The following ATP6V0A4 variants were observed in gnomAD, a reference collection of about 807,000 sequenced individuals.
The protein encoded by ATP6V0A4 is ATPase H+ transporting V0 subunit a4.
A neutral mutation model predicts 107.3 loss-of-function variants in ATP6V0A4; 86 were observed. The observed-to-expected ratio is 0.80, with a 90% confidence interval of 0.67 to 0.96. ATP6V0A4 has a LOEUF of 0.96. Among genes scored for constraint, ATP6V0A4 ranks in the 40% least tolerant of loss-of-function variants. The pLI is 0.00. For synonymous variants in ATP6V0A4, 353 were observed against 381.4 expected, an observed-to-expected ratio of 0.93 and a Z score of 0.87; for missense variants, 908 against 1,045.6, an observed-to-expected ratio of 0.87 and a Z score of 1.81.
At chr7:138,772,095 T>C (rs1807423933) in intron 2 of ATP6V0A4, among the ~76,000 whole-genome samples, 1 of 152,214 alleles carries the variant, frequency 6.6e-6, no homozygotes, top group Non-Finnish European at 1.5e-5. Flanking sequence ...GTTTTTGTCA[T>C]CAGAATGAGA....
intron 2 of ATP6V0A4, among the ~76,000 whole-genome samples, chr7:138,782,869 G>T (rs901828148): frequency 6.6e-6 from 1 of 152,206 alleles, no homozygotes; most frequent in African/African-American, 2.4e-5. Context: ...GAGGTCAGGA[G>T]TTCAAGACCA....
chr7:138,742,385 C>T (rs1321803077), intron 14 of ATP6V0A4, among the ~76,000 whole-genome samples: 10 of 152,074 alleles, frequency 6.6e-5, no homozygotes, highest in African/African-American at 2.2e-4. Flanking sequence ...CAAAATCGCA[C>T]CATTGCACTC....
intron 21 of ATP6V0A4, among the ~76,000 whole-genome samples, chr7:138,709,258 T>C (rs931849656): frequency 1.3e-5 from 2 of 148,522 alleles, no homozygotes; most frequent in Non-Finnish European, 3.0e-5. Context: ...TTTCTAAGCA[T>C]GTCTTCTGTG....
chr7:138,762,036 A>G (rs1006283177), intron 7 of ATP6V0A4, among the ~76,000 whole-genome samples: 3 of 152,180 alleles, frequency 2.0e-5, no homozygotes, highest in Non-Finnish European at 4.4e-5. Context: ...GCCTTGTTCC[A>G]ACGCCAGGGA....
intron 7 of ATP6V0A4, 107 bp from the exon 8 acceptor site, chr7:138,759,985 C>T (rs1806719550): frequency 6.3e-7 from 1 of 1,585,660 alleles, no homozygotes. Context: ...GCCATTCACT[C>T]TGTGAGCAGG....
chr7:138,751,577 G>C (rs1016814309), intron 11 of ATP6V0A4, among the ~76,000 whole-genome samples: 3 of 151,288 alleles, frequency 2.0e-5, no homozygotes, highest in Non-Finnish European at 2.9e-5. Context: ...ATTAGTCACG[G>C]ACATGCCTCC....
Position 138,743,059 on chromosome 7 carries a change from C to T in ATP6V0A4, c.1478+2064G>A, listed in dbSNP as rs1047861215. Among the ~76,000 whole-genome samples, 8 of 152,086 alleles carry T rather than the reference C, an allele frequency of 5.3e-5. No homozygotes were observed. The East Asian group carries it at 7.7e-4, about 15-fold the overall frequency. The stretch of plus-strand genomic sequence containing the variant: ...CTAGCAGAGAAACAAGAAGAGACTG[C>T]GTTAGAATCTCCTTGCCCCACACTA... On this transcript the variant is annotated intron_variant, in intron 14 of 21. Transcript: ENST00000310018.
chr7:138,744,980 G>C, intron 14 of ATP6V0A4, 143 bp downstream of exon 14: 1 of 806,630 alleles, frequency 1.2e-6, no homozygotes. Flanking sequence ...TGGGATTACA[G>C]GCATGAGCCA....
rs114934600 is a variant in ATP6V0A4, at chr7:138,755,564, A to G, written c.816+125T>C. ...GAAATCTTCCACAGCCACAACCAGAAAGGCATAGCCAGCATTCCAGCCAGC... is the reference window on the plus strand; with the variant it reads ...GAAATCTTCCACAGCCACAACCAGAGAGGCATAGCCAGCATTCCAGCCAGC... On this transcript the variant is annotated intron_variant, in intron 10 of 21. Transcript: ENST00000310018. 8.5e-6 allele frequency: 11 copies of G among 1,295,758 alleles called. No individual in the cohort carries two copies. The African/African-American group carries it at 1.3e-4, about 15-fold the overall frequency. 80.3% of individuals were successfully genotyped at this position (1,295,758 alleles called of 1,614,324 possible).
chr7:138,737,299 C>T (rs1805387663), intron 15 of ATP6V0A4, among the ~76,000 whole-genome samples: 1 of 150,564 alleles, frequency 6.6e-6, no homozygotes, highest in Non-Finnish European at 1.5e-5. Context: ...GTGCATAAGT[C>T]TCATGAGATC....
chr7:138,763,186 G>GACACACACAC (rs3832464), intron 5 of ATP6V0A4, 161 bp from the exon 6 acceptor site: 6 of 262,306 alleles, frequency 2.3e-5, no homozygotes, highest in Non-Finnish European at 3.5e-5. Flanking sequence ...GACACACACA[G>GACACACACAC]ACACACACAC....
In ATP6V0A4 at chr7:138,781,837, C is replaced by CTTT. The variant is rs1563019430; in HGVS notation, c.-18+4320_-18+4321insAAA. On this transcript the variant is annotated intron_variant, in intron 2 of 21. Coordinates refer to ENST00000310018, the MANE Select transcript of ATP6V0A4 (RefSeq NM_020632.3). ...TTTAAAGAAATTTTTCTCTGTCTCTCTCTCTCTTTTTTTTTTTTTTTGTAG... is the reference window on the plus strand; with the variant it reads ...TTTAAAGAAATTTTTCTCTGTCTCTCTTTTCTCTCTTTTTTTTTTTTTTTGTAG... Among the ~76,000 whole-genome samples, 2 of 67,298 alleles carry CTTT rather than the reference C, an allele frequency of 3.0e-5. 1 individual carries two copies. Among genetic ancestry groups the CTTT allele is most frequent in the Admixed American group, 3.5e-4 (2 of 5,686 alleles). 44.2% of individuals were successfully genotyped at this position (67,298 alleles called of 152,430 possible).
At chr7:138,709,507 A>G in intron 21 of ATP6V0A4, 117 bp downstream of exon 21, 1 of 898,524 alleles carries the variant, frequency 1.1e-6, no homozygotes, top group South Asian at 1.3e-5. Flanking sequence ...GGCTCCAAAG[A>G]GGTATGTAAG....
At chr7:138,730,105 C>T (rs1411443433) in intron 17 of ATP6V0A4, among the ~76,000 whole-genome samples, 3 of 152,138 alleles carry the variant, frequency 2.0e-5, no homozygotes, top group Non-Finnish European at 4.4e-5. Flanking sequence ...AGGATGGTCT[C>T]GATCTCCTGA....
chr7:138,783,993 G>C (rs576954082), intron 2 of ATP6V0A4, among the ~76,000 whole-genome samples: 1 of 151,968 alleles, frequency 6.6e-6, no homozygotes, highest in South Asian at 2.1e-4. Context: ...AAGGAAGAAG[G>C]AAAGGAGGAG....
rs1274788352 is a variant in ATP6V0A4, at chr7:138,747,532, A to G, written c.1213T>C (p.Phe405Leu). 1 of 1,613,978 alleles carries G rather than the reference A, an allele frequency of 6.2e-7. No individual in the cohort carries two copies. The highest frequency in any genetic ancestry group is 2.2e-5 in the East Asian group (1 of 44,882). ...PYTIITFPFL[F>L]AVMFGDCGHG... Reference sequence around the variant, plus strand: ...CCACAGTCTCCAAACATCACAGCGAACAGGAAGGGGAAAGTGATGATGGTG... The same window carrying G: ...CCACAGTCTCCAAACATCACAGCGAGCAGGAAGGGGAAAGTGATGATGGTG... Residue 405 changes from phenylalanine to leucine, a missense_variant, in exon 13 of 22, where the codon TTC becomes CTC. Coordinates refer to ENST00000310018, the MANE Select transcript of ATP6V0A4 (RefSeq NM_020632.3).
intron 2 of ATP6V0A4, among the ~76,000 whole-genome samples, chr7:138,782,358 TA>T (rs1179995900): frequency 2.2e-4 from 34 of 152,312 alleles, no homozygotes; most frequent in African/African-American, 7.7e-4. Flanking sequence ...CATATTGGAT[TA>T]GGGGCCCACC....
At chr7:138,726,715 T>C (rs2117224328) in intron 18 of ATP6V0A4, among the ~76,000 whole-genome samples, 1 of 152,234 alleles carries the variant, frequency 6.6e-6, no homozygotes, top group East Asian at 1.9e-4. Context: ...AAAAGGACCC[T>C]AAGCAGCCGC....
At chr7:138,729,203 G>T (rs1804864878) in intron 17 of ATP6V0A4, among the ~76,000 whole-genome samples, 1 of 151,970 alleles carries the variant, frequency 6.6e-6, no homozygotes, top group Non-Finnish European at 1.5e-5. Flanking sequence ...TGTCCCATGG[G>T]GGTCGTTTTC....
Sources: allele counts gnomAD v4.1 joint callset (sites outside exome capture counted in the v4.1 genomes callset), GRCh38; gene constraint gnomAD v4.1.1; transcripts MANE v1.5; gene names NCBI Gene and HGNC (gene_info 2026-07-23, HGNC 2026-07-21).